MUSK: variants seen among roughly 807,000 people sequenced by gnomAD.
The protein encoded by MUSK is muscle associated receptor tyrosine kinase.
Under a neutral mutation model 88.7 loss-of-function variants are expected in MUSK, and 55 were observed. The observed-to-expected ratio is 0.62, with a 90% CI of 0.50 to 0.78. The LOEUF (loss-of-function observed/expected upper bound fraction) is 0.78, where lower values mean the gene tolerates loss of function less well. MUSK is among the 30% of genes least tolerant of loss of function. The pLI, the probability that MUSK is intolerant of heterozygous loss-of-function variation, is 0.00. For missense variants in MUSK, 1,015 were observed against 1,074.3 expected (o/e 0.94, Z 0.77); for synonymous variants, 387 against 391.9 (o/e 0.99, Z 0.15).
At chr9:110,711,959 C>T (rs1332676217) in intron 5 of MUSK, among the ~76,000 whole-genome samples, 1 of 152,142 alleles carries the variant, frequency 6.6e-6, no homozygotes, top group African/African-American at 2.4e-5. Context: ...CTAAATCGTT[C>T]TCCTCCATAG....
At chr9:110,732,775 A>C in intron 5 of MUSK, among the ~76,000 whole-genome samples, 1 of 152,042 alleles carries the variant, frequency 6.6e-6, no homozygotes, top group East Asian at 1.9e-4. Flanking sequence ...TGAAGACAGC[A>C]CCTTCCTTGC....
chr9:110,681,067 A>ATTATATAAATATATATTATATTATATATT (rs1252500710), intron 1 of MUSK, among the ~76,000 whole-genome samples: 1 of 13,078 alleles, frequency 7.6e-5, no homozygotes, highest in Non-Finnish European at 1.4e-4. Context: ...TTATATATAT[A>ATTATATAAATATATATTATATTATATATT]ATATTATATA....
intron 1 of MUSK, among the ~76,000 whole-genome samples, chr9:110,674,660 G>T (rs1033349632): frequency 3.3e-5 from 5 of 152,116 alleles, no homozygotes; most frequent in African/African-American, 1.2e-4. Context: ...ACAGGCTGGA[G>T]TACAGAGGTG....
intron 11 of MUSK, among the ~76,000 whole-genome samples, chr9:110,781,111 C>T (rs865881390): frequency 3.3e-5 from 5 of 152,172 alleles, no homozygotes; most frequent in Non-Finnish European, 5.9e-5. Context: ...AATGAAACTT[C>T]TAGGTGCACT....
chr9:110,730,206 C>T (rs1324776529), intron 5 of MUSK, among the ~76,000 whole-genome samples: 2 of 130,344 alleles, frequency 1.5e-5, no homozygotes, highest in African/African-American at 5.9e-5. Context: ...AAATATATTA[C>T]CTTGGTCTAT....
chr9:110,738,293 G>C (rs1363818275), intron 6 of MUSK, among the ~76,000 whole-genome samples: 1 of 151,988 alleles, frequency 6.6e-6, no homozygotes, highest in Non-Finnish European at 1.5e-5. Flanking sequence ...CATAAACAAG[G>C]GTTAAACATG....
At chr9:110,709,823 A>G (rs1278519964) in intron 5 of MUSK, among the ~76,000 whole-genome samples, 1 of 152,210 alleles carries the variant, frequency 6.6e-6, no homozygotes, top group Admixed American at 6.5e-5. Context: ...CCCCAAAGTC[A>G]TATAGTTCAA....
chr9:110,706,225 A>G (rs1224458653), intron 5 of MUSK: 3 of 382,676 alleles, frequency 7.8e-6, no homozygotes. Context: ...ATTTTTAACT[A>G]GAAATTTTCC....
intron 6 of MUSK, among the ~76,000 whole-genome samples, chr9:110,747,239 A>G (rs561325733): frequency 6.6e-6 from 1 of 152,222 alleles, no homozygotes; most frequent in South Asian, 2.1e-4. Flanking sequence ...CGTACCTTGG[A>G]TGGTTGTTGT....
chr9:110,680,359 A>G (rs1215522795), intron 1 of MUSK, among the ~76,000 whole-genome samples: 1 of 149,530 alleles, frequency 6.7e-6, no homozygotes, highest in African/African-American at 2.5e-5. Flanking sequence ...CAATGTGTCC[A>G]AGTATGAATT....
intron 7 of MUSK, among the ~76,000 whole-genome samples, chr9:110,757,582 ATTG>A (rs2077343215): frequency 6.6e-6 from 1 of 151,418 alleles, no homozygotes; most frequent in Non-Finnish European, 1.5e-5. Flanking sequence ...ATTGTTACAT[ATTG>A]TTGTGACTGT....
At chr9:110,787,482 G>A (rs1014779732) in intron 13 of MUSK, among the ~76,000 whole-genome samples, 1 of 151,084 alleles carries the variant, frequency 6.6e-6, no homozygotes, top group Non-Finnish European at 1.5e-5. Context: ...TGAAATTGTT[G>A]AAAATAACAC....
At position 110,734,289 on chromosome 9, in the gene MUSK, G is replaced by A. The variant is rs774463260; in HGVS notation, c.667G>A (p.Val223Ile). 12 of 1,613,010 alleles carry A rather than the reference G, an allele frequency of 7.4e-6. No individual in the cohort carries two copies. The highest frequency in any genetic ancestry group is 2.7e-5 in the African/African-American group (2 of 74,814). ...RILRAPESHN[V>I]TFGSFVTLHC... is the part of the protein sequence containing the mutation. The stretch of plus-strand genomic sequence containing the variant: ...CCTGCGGGCTCCTGAATCCCACAAT[G>A]TCACCTTTGGCTCCTTTGTGACCCT... The change falls in exon 6 of 15, where the codon GTC (valine) becomes ATC (isoleucine). Residue 223 changes from valine to isoleucine, a missense_variant. By Grantham distance (29) the Val-to-Ile change is conservative. Coordinates refer to ENST00000374448, the MANE Select transcript of MUSK (RefSeq NM_005592.4).
At chr9:110,703,120 TTGAG>T (rs1187154010) in intron 5 of MUSK, among the ~76,000 whole-genome samples, 2 of 152,178 alleles carry the variant, frequency 1.3e-5, no homozygotes, top group African/African-American at 2.4e-5. Flanking sequence ...ACAACCTACC[TTGAG>T]TGAGTGTTGT....
In MUSK at chr9:110,785,694, C is replaced by A. The variant is rs953823198; in HGVS notation, c.1754C>A (p.Ala585Glu). 4 of 1,601,476 alleles carry A rather than the reference C, an allele frequency of 2.5e-6. No homozygotes were observed. The South Asian group carries it at 4.5e-5, about 18-fold the overall frequency. ...IEYVRDIGEG[A>E]FGRVFQARAP... Reference sequence around the variant, plus strand: ...TATGTGAGAGACATCGGAGAGGGAGCGTTTGGAAGGGTGTTTCAAGCAAGG... The same window carrying A: ...TATGTGAGAGACATCGGAGAGGGAGAGTTTGGAAGGGTGTTTCAAGCAAGG... Residue 585 changes from alanine (A) to glutamate (E), a missense_variant, in exon 13 of 15, where the codon GCG becomes GAG. Ala to Glu is a moderately radical substitution (Grantham distance 107, BLOSUM62 -1). Coordinates refer to ENST00000374448, the MANE Select transcript of MUSK (RefSeq NM_005592.4).
intron 8 of MUSK, among the ~76,000 whole-genome samples, chr9:110,766,800 A>G (rs1211236993): frequency 1.3e-5 from 2 of 152,244 alleles, no homozygotes; most frequent in African/African-American, 4.8e-5. Flanking sequence ...AGTTTTCTTA[A>G]GTCATTACTA....
rs367970299 is a variant in MUSK at position 110,764,602 on chromosome 9, AT to A, written c.920+2396del. Among the ~76,000 whole-genome samples the A allele has an allele frequency of 7.9e-3, 787 of 99,938 alleles. 4 individuals carry two copies. The highest frequency in any genetic ancestry group is 0.014 in the Middle Eastern group (3 of 212). 65.6% of individuals were successfully genotyped at this position (99,938 alleles called of 152,430 possible). A position where few individuals can be genotyped will look rare whatever the true frequency, so the allele number is the denominator to read the frequency against. On this transcript the variant is annotated intron_variant, in intron 8 of 14. Transcript: ENST00000374448. The stretch of plus-strand genomic sequence containing the variant: ...TAAATTTAGATAGATAGATAGATAG[AT>A]TAGATAGATAGATAGATAGATAGAT...
intron 13 of MUSK, among the ~76,000 whole-genome samples, chr9:110,786,680 A>G (rs967963141): frequency 2.6e-5 from 4 of 152,208 alleles, no homozygotes; most frequent in African/African-American, 9.7e-5. Context: ...AAAAGGAATA[A>G]AAAGGCAAAA....
At chr9:110,694,699 G>A (rs1348881281) in intron 3 of MUSK, among the ~76,000 whole-genome samples, 1 of 152,016 alleles carries the variant, frequency 6.6e-6, no homozygotes, top group Non-Finnish European at 1.5e-5. Context: ...TAAAATAACT[G>A]GCATCCTGAA....
Sources: gnomAD v4.1 joint callset for allele counts (sites outside exome capture counted in the v4.1 genomes callset) on GRCh38, gnomAD v4.1.1 for gene constraint, MANE v1.5 for transcripts, NCBI Gene and HGNC (gene_info 2026-07-23, HGNC 2026-07-21) for gene names.